CSMD1: variants seen among roughly 807,000 people sequenced by gnomAD.
CSMD1 encodes CUB and sushi domain-containing protein 1.
CSMD1 carries 213 observed loss-of-function variants against 417.5 expected under a neutral mutation model. The observed-to-expected ratio is 0.51, with a 90% CI of 0.46 to 0.57. The LOEUF is 0.57. CSMD1 is among the 20% of genes least tolerant of loss of function. The pLI is 0.00. For synonymous variants in CSMD1, 2,862 were observed against 1,736.8 expected (o/e 1.65, Z -16.11); for missense variants, 6,923 against 4,529.7 (o/e 1.53, Z -15.17).
intron 52 of CSMD1, among the ~76,000 whole-genome samples, chr8:3,002,680 T>G (rs1252354116): frequency 6.6e-6 from 1 of 152,120 alleles, no homozygotes; most frequent in African/African-American, 2.4e-5. Context: ...CTGAACTGAG[T>G]TTTTTGTAAG....
At chr8:4,102,197 T>C (rs764827660) in intron 3 of CSMD1, among the ~76,000 whole-genome samples, 6 of 152,226 alleles carry the variant, frequency 3.9e-5, no homozygotes, top group Non-Finnish European at 5.9e-5. Flanking sequence ...TGCTTTATTG[T>C]CTCTTTTGTA....
In CSMD1 at chr8:3,596,213, C is replaced by T. The variant is rs1028158853; in HGVS notation, c.1098-9953G>A. On this transcript the variant is annotated intron_variant, in intron 8 of 69. Transcript: ENST00000635120. The stretch of plus-strand genomic sequence containing the variant: ...GCTCCAGCAGCCTGCACCACCGCCC[C>T]GGCAGCCTGCACCACCGTCCAGCTC... 3.9e-5 allele frequency among the ~76,000 whole-genome samples: 6 copies of T among 152,222 alleles called. No homozygotes were observed. The East Asian group carries it at 9.6e-4, about 24-fold the overall frequency.
intron 20 of CSMD1, 100 bp from the exon 21 acceptor site, chr8:3,359,440 A>C: frequency 1.1e-6 from 1 of 920,602 alleles, no homozygotes; most frequent in Non-Finnish European, 1.6e-6. Context: ...AAAAAAAAAA[A>C]AAACCTACAT....
At chr8:4,951,513 G>T (rs1375151122) in intron 1 of CSMD1, among the ~76,000 whole-genome samples, 4 of 150,206 alleles carry the variant, frequency 2.7e-5, no homozygotes, top group Non-Finnish European at 5.9e-5. Context: ...AAAGAGGAAG[G>T]ATGGGAGGGG....
At position 4,396,564 on chromosome 8, in the gene CSMD1, C is replaced by T. The variant is rs530196438; in HGVS notation, c.415+23389G>A. On this transcript the variant is annotated intron_variant, in intron 3 of 69. Transcript: ENST00000635120. ...AAGTTTATAGCAGCAAAATTCGCAA[C>T]TGCAACCAGCCTAAATGCCCATCAA... is the stretch of plus-strand genomic sequence containing the variant. Among the ~76,000 whole-genome samples the T allele has an allele frequency of 6.4e-4, 98 of 152,058 alleles. 1 individual carries two copies. Among genetic ancestry groups the T allele is most frequent in the African/African-American group, 2.1e-3 (89 of 41,484 alleles).
At chr8:4,863,993 A>G (rs1019000021) in intron 1 of CSMD1, among the ~76,000 whole-genome samples, 5 of 152,028 alleles carry the variant, frequency 3.3e-5, no homozygotes, top group African/African-American at 1.2e-4. Flanking sequence ...TTTATTCAGT[A>G]CATGTCTATA....
Position 4,272,692 on chromosome 8 carries a change from G to T in CSMD1, c.415+147261C>A, listed in dbSNP as rs1289633021. Among the ~76,000 whole-genome samples the T allele has an allele frequency of 5.3e-5, 8 of 152,128 alleles. No homozygotes were observed. The South Asian group carries it at 1.7e-3, about 32-fold the overall frequency. On this transcript the variant is annotated intron_variant, in intron 3 of 69. Coordinates refer to ENST00000635120, the MANE Select transcript of CSMD1 (RefSeq NM_033225.6). ...CTGTAGATGAACATAAAATATATTT[G>T]GAAGACTGTACATTTTCATTCTGTA... is the stretch of plus-strand genomic sequence containing the variant.
At chr8:3,787,107 C>A (rs940877450) in intron 5 of CSMD1, among the ~76,000 whole-genome samples, 1 of 151,938 alleles carries the variant, frequency 6.6e-6, no homozygotes, top group African/African-American at 2.4e-5. Context: ...TTTATGGTAA[C>A]AACATAACTC....
intron 12 of CSMD1, among the ~76,000 whole-genome samples, chr8:3,420,340 A>T (rs1813407064): frequency 6.6e-6 from 1 of 151,986 alleles, no homozygotes; most frequent in South Asian, 2.1e-4. Context: ...GAAAGGCAGT[A>T]ACAATTCAGA....
intron 12 of CSMD1, among the ~76,000 whole-genome samples, chr8:3,454,669 T>C (rs1815986276): frequency 6.6e-6 from 1 of 152,256 alleles, no homozygotes; most frequent in African/African-American, 2.4e-5. Context: ...GTAGAGTTTC[T>C]GCGGAGAGAT....
intron 12 of CSMD1, among the ~76,000 whole-genome samples, chr8:3,456,583 A>G (rs1288241365): frequency 3.3e-5 from 5 of 152,212 alleles, no homozygotes; most frequent in African/African-American, 4.8e-5. Flanking sequence ...CTACTATGCC[A>G]AAACCTAGTT....
chr8:4,149,409 C>G (rs190641916), intron 3 of CSMD1, among the ~76,000 whole-genome samples: 149 of 152,258 alleles, frequency 9.8e-4, no homozygotes, highest in Non-Finnish European at 2.0e-3. Context: ...ACTGCCATAG[C>G]TCTGAGCAAT....
chr8:3,505,586 A>C (rs1402874166), intron 10 of CSMD1, among the ~76,000 whole-genome samples: 1 of 152,212 alleles, frequency 6.6e-6, no homozygotes, highest in Non-Finnish European at 1.5e-5. Context: ...CACCAGAAGA[A>C]TTCTGTACAC....
intron 1 of CSMD1, among the ~76,000 whole-genome samples, chr8:4,985,374 T>G (rs1811122963): frequency 9.6e-6 from 1 of 103,774 alleles, no homozygotes; most frequent in Non-Finnish European, 2.1e-5. Context: ...ACTTAAAAGT[T>G]TTTTTTAAAA....
At position 4,051,378 on chromosome 8, in the gene CSMD1, G is replaced by A. The variant is rs539770424; in HGVS notation, c.416-19279C>T. ...CTTCTTTCACTGTTGGCATGATCCC[G>A]GAGGGCTGATCCAACCCAGTAGCAT... On this transcript the variant is annotated intron_variant, in intron 3 of 69. Coordinates refer to ENST00000635120, the MANE Select transcript of CSMD1 (RefSeq NM_033225.6). Among the ~76,000 whole-genome samples, 35 of 151,850 alleles carry A rather than the reference G, an allele frequency of 2.3e-4. No homozygotes were observed. In the South Asian group the frequency reaches 3.5e-3, roughly 15 times the overall value.
intron 5 of CSMD1, among the ~76,000 whole-genome samples, chr8:3,985,925 A>T (rs907495894): frequency 8.8e-6 from 1 of 113,102 alleles, no homozygotes; most frequent in Non-Finnish European, 1.9e-5. Context: ...ACCATTTTGC[A>T]TAACTCAATT....
chr8:4,346,575 T>C (rs989116075), intron 3 of CSMD1, among the ~76,000 whole-genome samples: 12 of 152,200 alleles, frequency 7.9e-5, no homozygotes, highest in African/African-American at 2.7e-4. Context: ...CTTTTCGTTA[T>C]TGTTCTTGAC....
chr8:3,923,745 C>A (rs546991098), intron 5 of CSMD1, among the ~76,000 whole-genome samples: 1 of 152,106 alleles, frequency 6.6e-6, no homozygotes, highest in Non-Finnish European at 1.5e-5. Flanking sequence ...AAACTTTATA[C>A]CCTTTGACAA....
intron 6 of CSMD1, among the ~76,000 whole-genome samples, chr8:3,719,025 T>G (rs1400049917): frequency 6.6e-6 from 1 of 152,114 alleles, no homozygotes; most frequent in African/African-American, 2.4e-5. Flanking sequence ...AGAAACAACA[T>G]TCTTCCTGCA....
Sources: allele counts gnomAD v4.1 joint callset (sites outside exome capture counted in the v4.1 genomes callset), GRCh38; gene constraint gnomAD v4.1.1; transcripts MANE v1.5; gene names NCBI Gene and HGNC (gene_info 2026-07-23, HGNC 2026-07-21).